Variants in KATNIP observed in about 807,000 individuals in gnomAD.
KATNIP encodes the protein katanin-interacting protein.
KATNIP carries 126 observed loss-of-function variants against 174.0 expected under a neutral mutation model. The ratio of observed to expected loss-of-function variants is 0.72; its 90% CI spans 0.63 to 0.84. The LOEUF (loss-of-function observed/expected upper bound fraction) is 0.84. Among genes scored for constraint, KATNIP ranks in the 40% least tolerant of loss-of-function variants. The pLI, the probability that KATNIP is intolerant of heterozygous loss-of-function variation, is 0.00. For synonymous variants in KATNIP, 810 were observed against 835.7 expected, an observed-to-expected ratio of 0.97 and a Z score of 0.53; for missense variants, 1,958 against 2,109.7, an observed-to-expected ratio of 0.93 and a Z score of 1.41.
At chr16:27,591,434 C>T (rs960773740) in intron 2 of KATNIP, among the ~76,000 whole-genome samples, 2 of 152,176 alleles carry the variant, frequency 1.3e-5, no homozygotes, top group South Asian at 2.1e-4. Context: ...CCACCCGCCT[C>T]GGCCTCCCAA....
At chr16:27,714,463 C>T (rs575448431) in intron 13 of KATNIP, among the ~76,000 whole-genome samples, 4 of 152,008 alleles carry the variant, frequency 2.6e-5, no homozygotes, top group African/African-American at 7.2e-5. Context: ...ATTATAGACT[C>T]ACAGGAATTT....
chr16:27,669,966 G>T (rs939983984), intron 6 of KATNIP, among the ~76,000 whole-genome samples: 2 of 151,980 alleles, frequency 1.3e-5, no homozygotes, highest in African/African-American at 2.4e-5. Context: ...GAGATTACAG[G>T]CATGAGCCAC....
At chr16:27,681,615 C>T in intron 8 of KATNIP, 85 bp downstream of exon 8, 1 of 1,488,680 alleles carries the variant, frequency 6.7e-7, no homozygotes, top group Admixed American at 1.7e-5. Context: ...GGCCGCACTT[C>T]ATTACCCTCC....
At chr16:27,763,378 A>G (rs2144066412) in intron 19 of KATNIP, among the ~76,000 whole-genome samples, 1 of 148,284 alleles carries the variant, frequency 6.7e-6, no homozygotes, top group South Asian at 2.2e-4. Context: ...AGGCTGAGGT[A>G]GAAGGATTGC....
intron 6 of KATNIP, among the ~76,000 whole-genome samples, chr16:27,656,798 GA>G (rs1448691428): frequency 7.9e-6 from 1 of 126,082 alleles, no homozygotes; most frequent in Admixed American, 8.9e-5. Flanking sequence ...GTGGGGAGGG[GA>G]GGGGGGAGGG....
At chr16:27,669,255 G>C in intron 6 of KATNIP, 1 of 984,998 alleles carries the variant, frequency 1.0e-6, no homozygotes, top group Non-Finnish European at 1.2e-6. Flanking sequence ...TTCAGTCAGT[G>C]GTTCTTCTAG....
intron 13 of KATNIP, among the ~76,000 whole-genome samples, chr16:27,718,090 G>A (rs2080038904): frequency 1.3e-5 from 2 of 152,190 alleles, no homozygotes; most frequent in Non-Finnish European, 2.9e-5. Flanking sequence ...CTGCTTCTAG[G>A]GGAATCCAGA....
At chr16:27,652,674 G>A (rs1231429621) in intron 6 of KATNIP, among the ~76,000 whole-genome samples, 1 of 152,004 alleles carries the variant, frequency 6.6e-6, no homozygotes, top group East Asian at 1.9e-4. Flanking sequence ...TTAGCCAGGT[G>A]TAGTGGCACA....
At chr16:27,584,122 C>G (rs1941186460) in intron 2 of KATNIP, among the ~76,000 whole-genome samples, 2 of 152,098 alleles carry the variant, frequency 1.3e-5, no homozygotes, top group Admixed American at 1.3e-4. Flanking sequence ...GAACAGTGCC[C>G]TACAGGTTGT....
In KATNIP at chr16:27,703,908, G is replaced by A; in HGVS notation, c.1299G>A (p.Lys433=). The A allele has an allele frequency of 1.2e-6, 2 of 1,614,074 alleles. No homozygotes were observed. Among genetic ancestry groups the A allele is most frequent in the Non-Finnish European group, 1.7e-6 (2 of 1,179,914 alleles). Residue 433 remains lysine (K), a synonymous_variant, in exon 12 of 28, where the codon AAG becomes AAA. Coordinates refer to ENST00000261588, the MANE Select transcript of KATNIP (RefSeq NM_015202.5). ...IGLLGSRQQQ[K]LLKVLQAVES... ...AATCCCATTTCAGACAACAGCAGAA[G>A]CTTCTGAAAGTCCTCCAGGCCGTCG...
Position 27,750,282 on chromosome 16 carries a change from A to G in KATNIP, c.3322A>G (p.Lys1108Glu), listed in dbSNP as rs778883447. 6.2e-7 allele frequency: 1 copy of G among 1,612,994 alleles called. No individual in the cohort carries two copies. The highest frequency in any genetic ancestry group is 1.1e-5 in the South Asian group (1 of 90,870). Residue 1108 changes from lysine (K) to glutamate (E), a missense_variant, in exon 16 of 28, where the codon AAG (lysine) becomes GAG (glutamate). Physicochemically the swap from Lys to Glu is moderately conservative, Grantham distance 56. Transcript: ENST00000261588. ...TQCIFEGEIA[K>E]ASGTLAGAPE... ...GTGCATCTTTGAAGGAGAAATCGCC[A>G]AGGCCTCTGGAACCCTGGCGGGAGG...
intron 2 of KATNIP, 118 bp from the exon 3 acceptor site, chr16:27,618,307 C>T: frequency 2.7e-6 from 2 of 743,170 alleles, no homozygotes; most frequent in South Asian, 3.1e-5. Flanking sequence ...GGGTGTTGGG[C>T]CTTCGTCAAG....
At chr16:27,734,395 T>TAAA (rs34449454) in intron 14 of KATNIP, among the ~76,000 whole-genome samples, 3 of 113,782 alleles carry the variant, frequency 2.6e-5, no homozygotes, top group Non-Finnish European at 3.6e-5. Flanking sequence ...GGGACTTATT[T>TAAA]AAAAAAAAAA....
In KATNIP at chr16:27,681,424, T is replaced by G. The variant is rs753980664; in HGVS notation, c.834T>G (p.Ser278=). The G allele has an allele frequency of 2.1e-4, 336 of 1,614,126 alleles. No individual in the cohort carries two copies. Among genetic ancestry groups the G allele is most frequent in the Non-Finnish European group, 2.6e-4 (312 of 1,180,052 alleles). Residue 278 remains serine, a synonymous_variant, in exon 8 of 28, where the codon TCT becomes TCG. Transcript: ENST00000261588. ...GTCATAAAAGGGAAAGGAATTTGTCTGCAAAGCGGAAGGACAATGCTGAGG... is the reference window on the plus strand; with the variant it reads ...GTCATAAAAGGGAAAGGAATTTGTCGGCAAAGCGGAAGGACAATGCTGAGG... ...SKSHKRERNL[S]AKRKDNAEVF...
Position 27,740,668 on chromosome 16 carries a change from G to C in KATNIP, c.2371G>C (p.Asp791His). 6.2e-7 allele frequency: 1 copy of C among 1,614,196 alleles called. No homozygotes were observed. Among genetic ancestry groups the C allele is most frequent in the East Asian group, 2.2e-5 (1 of 44,870 alleles). The change falls in exon 15 of 28, where the codon GAC becomes CAC. Residue 791 changes from aspartate to histidine, a missense_variant. Physicochemically the swap from Asp to His is moderately conservative, Grantham distance 81 (BLOSUM62 -1). Coordinates refer to ENST00000261588, the MANE Select transcript of KATNIP (RefSeq NM_015202.5). ...GGCCTGGAAGGGCAGGCTCCCATCA[G>C]ACGATGTCATCGGTGAGGGTCCTGG... Reference protein sequence around the residue: ...PLAWKGRLPSDDVIGEGPGET... With the variant: ...PLAWKGRLPSHDVIGEGPGET...
At chr16:27,599,823 C>T (rs73533092) in intron 2 of KATNIP, among the ~76,000 whole-genome samples, 3,309 of 152,282 alleles carry the variant, frequency 0.022, 117 homozygotes, top group African/African-American at 0.075. Flanking sequence ...GTTTGTGGTC[C>T]ATCCGCCTCA....
chr16:27,775,038 C>T lies in KATNIP; in HGVS notation c.4403C>T (p.Thr1468Ile), dbSNP rs888265684. ...PDKLIDQVND[T>I]SDGRHMWLAP... ...AAGCTCATCGACCAAGTGAACGACA[C>T]CAGTGATGGCCGGCACATGTGGCTG... is the stretch of plus-strand genomic sequence containing the variant. The change falls in exon 24 of 28, where the codon ACC becomes ATC. Residue 1468 changes from threonine (T) to isoleucine (I), a missense_variant. By Grantham distance (89) the Thr-to-Ile change is moderately conservative. Coordinates refer to ENST00000261588, the MANE Select transcript of KATNIP (RefSeq NM_015202.5). The T allele has an allele frequency of 1.2e-6, 2 of 1,613,436 alleles. No individual in the cohort carries two copies. The highest frequency in any genetic ancestry group is 2.7e-5 in the African/African-American group (2 of 75,048).
intron 11 of KATNIP, 128 bp downstream of exon 11, chr16:27,701,823 C>G (rs1471365994): frequency 1.5e-6 from 1 of 670,786 alleles, no homozygotes; most frequent in Non-Finnish European, 2.6e-6. Flanking sequence ...AAGATGGAAT[C>G]TTGCTCTGTT....
chr16:27,676,683 G>C lies in KATNIP; in HGVS notation c.541-1046G>C, dbSNP rs550673838. On this transcript the variant is annotated intron_variant, in intron 6 of 27. Transcript: ENST00000261588. ...CAAACAGTCCCATCTATATATATGT[G>C]TGCATGTGTGTGTGTGTGTGTGTGT... Among the ~76,000 whole-genome samples the C allele has an allele frequency of 2.0e-5, 3 of 152,180 alleles. No homozygotes were observed. The East Asian group carries it at 5.8e-4, about 29-fold the overall frequency.
Sources: allele counts gnomAD v4.1 joint callset (sites outside exome capture counted in the v4.1 genomes callset), GRCh38; gene constraint gnomAD v4.1.1; transcripts MANE v1.5; gene names NCBI Gene and HGNC (gene_info 2026-07-23, HGNC 2026-07-21).